Variants in EPHB1 observed in about 807,000 individuals in gnomAD.
The protein encoded by EPHB1 is ephrin type-B receptor 1.
In EPHB1, 30 loss-of-function variants were observed where a neutral mutation model predicts 94.4. The observed-to-expected ratio is 0.32, with a 90% CI of 0.24 to 0.43. The LOEUF (loss-of-function observed/expected upper bound fraction) is 0.43, where lower values mean the gene tolerates loss of function less well. Among genes scored for constraint, EPHB1 ranks in the 20% least tolerant of loss-of-function variants. The pLI, the probability that EPHB1 is intolerant of heterozygous loss-of-function variation, is 1.00. For synonymous variants in EPHB1, 522 were observed against 489.1 expected (o/e 1.07, Z -0.89); for missense variants, 1,055 against 1,308.3 (o/e 0.81, Z 2.99).
At chr3:135,117,638 A>T (rs1322217322) in intron 4 of EPHB1, among the ~76,000 whole-genome samples, 4 of 152,368 alleles carry the variant, frequency 2.6e-5, no homozygotes, top group African/African-American at 9.6e-5. Flanking sequence ...GGCTAGTTGA[A>T]CACTAAGGTC....
At chr3:134,945,260 G>A (rs1278375024) in intron 2 of EPHB1, among the ~76,000 whole-genome samples, 1 of 152,018 alleles carries the variant, frequency 6.6e-6, no homozygotes, top group East Asian at 1.9e-4. Context: ...ATTGTATAGA[G>A]ATGAATTTAT....
intron 3 of EPHB1, among the ~76,000 whole-genome samples, chr3:134,998,423 G>A (rs543401737): frequency 1.3e-5 from 2 of 152,332 alleles, no homozygotes; most frequent in South Asian, 4.1e-4. Context: ...AGGCAGGGCA[G>A]AAGCTGGACT....
chr3:135,224,305 G>A (rs1464844030), intron 12 of EPHB1, among the ~76,000 whole-genome samples: 1 of 152,154 alleles, frequency 6.6e-6, no homozygotes, highest in Non-Finnish European at 1.5e-5. Context: ...ACTTGTTTAA[G>A]AATACAAGTC....
chr3:135,006,120 T>C (rs484317), intron 3 of EPHB1, among the ~76,000 whole-genome samples: 31,245 of 152,248 alleles, frequency 0.21, 5,636 homozygotes, highest in African/African-American at 0.49. Flanking sequence ...CCCAGCCATG[T>C]GGAACTGTGA....
rs894981038 is a variant in EPHB1 at position 135,058,924 on chromosome 3, A to G, written c.806-47524A>G. On this transcript the variant is annotated intron_variant, in intron 3 of 15. Transcript: ENST00000398015. Reference sequence around the variant, plus strand: ...AACCCTTTCCTAACCTTAATTTGCCATAGGAAGATTTTATTCTCAGAACAC... The same window carrying G: ...AACCCTTTCCTAACCTTAATTTGCCGTAGGAAGATTTTATTCTCAGAACAC... Among the ~76,000 whole-genome samples the G allele has an allele frequency of 5.3e-5, 8 of 152,330 alleles. 1 individual carries two copies. The Middle Eastern group carries it at 0.017, about 324-fold the overall frequency.
At chr3:134,849,157 C>T (rs13090758) in intron 1 of EPHB1, among the ~76,000 whole-genome samples, 23,395 of 152,158 alleles carry the variant, frequency 0.15, 2,300 homozygotes, top group African/African-American at 0.29. Flanking sequence ...GGCCCTTAAC[C>T]AGTGGTTCTC....
intron 3 of EPHB1, among the ~76,000 whole-genome samples, chr3:134,953,696 C>T (rs1933129706): frequency 6.6e-6 from 1 of 152,216 alleles, no homozygotes; most frequent in African/African-American, 2.4e-5. Flanking sequence ...TCATTTTTCT[C>T]ATTATATCCT....
chr3:135,019,816 A>C (rs1490574307), intron 3 of EPHB1, among the ~76,000 whole-genome samples: 3 of 152,226 alleles, frequency 2.0e-5, no homozygotes, highest in Non-Finnish European at 2.9e-5. Context: ...TAATTTGTGA[A>C]TATTAAAAAT....
At chr3:135,045,746 A>G (rs1286907276) in intron 3 of EPHB1, among the ~76,000 whole-genome samples, 1 of 152,212 alleles carries the variant, frequency 6.6e-6, no homozygotes, top group African/African-American at 2.4e-5. Flanking sequence ...TCCCATATTC[A>G]TTATTTCCCA....
intron 1 of EPHB1, among the ~76,000 whole-genome samples, chr3:134,850,474 A>G (rs189637054): frequency 6.6e-6 from 1 of 152,170 alleles, no homozygotes. Flanking sequence ...CCCCCTGGGA[A>G]TTCTCTCCCG....
chr3:134,915,075 C>A (rs1231105837), intron 1 of EPHB1, among the ~76,000 whole-genome samples: 1 of 151,396 alleles, frequency 6.6e-6, no homozygotes, highest in Non-Finnish European at 1.5e-5. Flanking sequence ...TGTCTGTGTC[C>A]CCCAAGCTCC....
At chr3:135,013,675 G>A (rs111528827) in intron 3 of EPHB1, among the ~76,000 whole-genome samples, 89 of 152,294 alleles carry the variant, frequency 5.8e-4, no homozygotes, top group African/African-American at 2.1e-3. Flanking sequence ...GCTCTATAAG[G>A]GGGCTAATCT....
At chr3:135,072,467 A>AT (rs373282173) in intron 3 of EPHB1, among the ~76,000 whole-genome samples, 15 of 152,152 alleles carry the variant, frequency 9.9e-5, no homozygotes, top group African/African-American at 2.6e-4. Context: ...ATGAAATCAA[A>AT]TTTTTTACCA....
At chr3:135,024,944 T>C (rs1936098776) in intron 3 of EPHB1, among the ~76,000 whole-genome samples, 3 of 152,022 alleles carry the variant, frequency 2.0e-5, no homozygotes, top group Admixed American at 6.5e-5. Context: ...TATTACTATA[T>C]GTATTATATA....
intron 3 of EPHB1, among the ~76,000 whole-genome samples, chr3:135,104,120 C>G (rs1939123878): frequency 1.3e-5 from 2 of 152,334 alleles, no homozygotes; most frequent in African/African-American, 4.8e-5. Context: ...CCCCCACTCT[C>G]CAGAGACAGA....
chr3:135,086,207 C>G (rs994190044), intron 3 of EPHB1, among the ~76,000 whole-genome samples: 1 of 151,910 alleles, frequency 6.6e-6, no homozygotes, highest in Non-Finnish European at 1.5e-5. Flanking sequence ...CTTCCAGGAC[C>G]GAGCTGCCTT....
chr3:135,196,227 G>A (rs1161315574), intron 11 of EPHB1, among the ~76,000 whole-genome samples: 4 of 151,970 alleles, frequency 2.6e-5, no homozygotes, highest in African/African-American at 9.7e-5. Flanking sequence ...TGTAGATTCT[G>A]GATATTAGCC....
intron 5 of EPHB1, among the ~76,000 whole-genome samples, chr3:135,148,233 CT>C (rs1207146051): frequency 6.6e-6 from 1 of 152,094 alleles, no homozygotes; most frequent in Non-Finnish European, 1.5e-5. Flanking sequence ...GAGGATGCCC[CT>C]ATCAGATAAG....
rs190298142 is a variant in EPHB1, at chr3:135,111,969, C to T, written c.961+5366C>T. Among the ~76,000 whole-genome samples, 7 of 152,342 alleles carry T rather than the reference C, an allele frequency of 4.6e-5. No homozygotes were observed. In the East Asian group the frequency reaches 7.7e-4, roughly 17 times the overall value. ...CTGGGATTATAGGCGTGAGCCACCGCGCCCAGCCCATTTTCACTCTTGAGT... is the reference window on the plus strand; with the variant it reads ...CTGGGATTATAGGCGTGAGCCACCGTGCCCAGCCCATTTTCACTCTTGAGT... On this transcript the variant is annotated intron_variant, in intron 4 of 15. Transcript: ENST00000398015.
Sources: gnomAD v4.1 joint callset for allele counts (sites outside exome capture counted in the v4.1 genomes callset) on GRCh38, gnomAD v4.1.1 for gene constraint, MANE v1.5 for transcripts, NCBI Gene and HGNC (gene_info 2026-07-23, HGNC 2026-07-21) for gene names.